The following HAUS5 variants were observed in gnomAD, a reference collection of about 807,000 sequenced individuals.
HAUS5 encodes the protein HAUS augmin-like complex subunit 5.
HAUS5 carries 67 observed loss-of-function variants against 94.1 expected under a neutral mutation model. The ratio of observed to expected loss-of-function variants is 0.71; its 90% CI spans 0.58 to 0.87. HAUS5 has a LOEUF of 0.87. Ranked by LOEUF, HAUS5 falls within the 40% of genes least tolerant of loss-of-function variation. The probability of loss-of-function intolerance (pLI) is 0.00; values close to 1 mark genes in which losing one functional copy is unlikely to be tolerated. For missense variants in HAUS5, 739 were observed against 825.6 expected (o/e 0.90, Z 1.29); for synonymous variants, 339 against 355.4 (o/e 0.95, Z 0.52).
chr19:35,616,850 C>A (rs2071947833), intron 6 of HAUS5, among the ~76,000 whole-genome samples: 1 of 152,154 alleles, frequency 6.6e-6, no homozygotes, highest in South Asian at 2.1e-4. Context: ...GGAAACATCA[C>A]ATTATTTTGG....
intron 17 of HAUS5, 143 bp downstream of exon 17, chr19:35,620,470 G>C: frequency 1.4e-6 from 1 of 716,340 alleles, no homozygotes; most frequent in South Asian, 1.9e-5. Flanking sequence ...TGTTTCATCT[G>C]CACGGCAGTC....
At chr19:35,613,192 G>A (rs2301595) in intron 1 of HAUS5, among the ~76,000 whole-genome samples, 38,342 of 152,008 alleles carry the variant, frequency 0.25, 5,587 homozygotes, top group South Asian at 0.44. Context: ...TCAGGAGTTA[G>A]CCGTGGCCAC....
Position 35,618,926 on chromosome 19 carries a change from GA to G in HAUS5, c.1057del (p.Thr353ArgfsTer24). 1 of 1,613,086 alleles carries G rather than the reference GA, an allele frequency of 6.2e-7. No homozygotes were observed. The highest frequency in any genetic ancestry group is 8.5e-7 in the Non-Finnish European group (1 of 1,179,614). On this transcript the variant is annotated frameshift_variant, in exon 13 of 19. Coordinates refer to ENST00000203166, the MANE Select transcript of HAUS5 (RefSeq NM_015302.2). LOFTEE classifies it high-confidence loss of function. ...ILGLRRCCLW[T>X]ELKALHDQSQ... The stretch of plus-strand genomic sequence containing the variant: ...TGGGGCTTCGGCGCTGTTGCCTGTG[GA>G]CGGAGCTCAAGGCCCTGCACGATCA...
At position 35,622,621 on chromosome 19, in the gene HAUS5, T is replaced by C. The variant is rs765264783; in HGVS notation, c.1672T>C (p.Ser558Pro). The C allele has an allele frequency of 6.2e-7, 1 of 1,613,760 alleles. No homozygotes were observed. The highest frequency in any genetic ancestry group is 8.5e-7 in the Non-Finnish European group (1 of 1,179,932). The part of the protein sequence containing the change: ...PTQELLQIQA[S>P]QEKQQKENLG... ...CTCAGAGCTGCTGCAGATCCAGGCA[T>C]CCCAGGAAAAACAGCAGAAAGAGAA... The change falls in exon 18 of 19, where the codon TCC becomes CCC. Residue 558 changes from serine (S) to proline (P), a missense_variant. By Grantham distance (74) the Ser-to-Pro change is moderately conservative. Transcript: ENST00000203166.
chr19:35,617,749 C>A, intron 8 of HAUS5, 106 bp from the exon 9 acceptor site: 1 of 958,252 alleles, frequency 1.0e-6, no homozygotes, highest in South Asian at 1.4e-5. Flanking sequence ...TCAAGTCTAA[C>A]AGGCATAGGG....
chr19:35,618,476 G>A lies in HAUS5; in HGVS notation c.885+11G>A, dbSNP rs1272897614. ...GTTCATCTCATCCAGGTGACCCCAGGGCTCGCCTCCCCACCACATTCCAAG... is the reference window on the plus strand; with the variant it reads ...GTTCATCTCATCCAGGTGACCCCAGAGCTCGCCTCCCCACCACATTCCAAG... On this transcript the variant is annotated intron_variant, in intron 11 of 18. Transcript: ENST00000203166. The A allele has an allele frequency of 6.8e-6, 11 of 1,614,056 alleles. No individual in the cohort carries two copies. The highest frequency in any genetic ancestry group is 2.2e-5 in the South Asian group (2 of 91,066).
At chr19:35,621,543 T>C (rs1766448517) in intron 17 of HAUS5, among the ~76,000 whole-genome samples, 1 of 152,160 alleles carries the variant, frequency 6.6e-6, no homozygotes, top group Non-Finnish European at 1.5e-5. Context: ...CATCTTGAAC[T>C]GTACACATCT....
chr19:35,613,880 G>A lies in HAUS5; in HGVS notation c.174G>A (p.Lys58=), dbSNP rs748208916. ...CTCTGCACTGTAGGACTGTCAAGAA[G>A]ATCCGGGGAAACCTACTCTGGTAAC... ...QHVHSQRTVK[K]IRGNLLWYGH... is the part of the protein sequence containing the mutation. The change falls in exon 3 of 19, where the codon AAG becomes AAA. Residue 58 remains lysine, a synonymous_variant. Coordinates refer to ENST00000203166, the MANE Select transcript of HAUS5 (RefSeq NM_015302.2). The A allele has an allele frequency of 4.3e-6, 7 of 1,614,136 alleles. No individual in the cohort carries two copies. The South Asian group carries it at 7.7e-5, about 18-fold the overall frequency.
chr19:35,613,642 A>G, intron 1 of HAUS5, 88 bp from the exon 2 acceptor site: 1 of 1,225,686 alleles, frequency 8.2e-7, no homozygotes, highest in Non-Finnish European at 1.2e-6. Context: ...ACTCCCTAGT[A>G]AAAACTCCCT....
chr19:35,620,394 C>T, intron 17 of HAUS5, 67 bp downstream of exon 17: 1 of 1,463,862 alleles, frequency 6.8e-7, no homozygotes, highest in Non-Finnish European at 9.4e-7. Flanking sequence ...CTCCACGAGT[C>T]CTTACCAGCA....
At position 35,620,184 on chromosome 19, in the gene HAUS5, T is replaced by A. The variant is rs756238022; in HGVS notation, c.1519-11T>A. 6.2e-7 allele frequency: 1 copy of A among 1,611,590 alleles called. No individual in the cohort carries two copies. The highest frequency in any genetic ancestry group is 8.5e-7 in the Non-Finnish European group (1 of 1,178,144). On this transcript the variant is annotated splice_polypyrimidine_tract_variant and intron_variant, in intron 16 of 18. Transcript: ENST00000203166. ...CCCGCCCCAGGTGACCGTCCTTCCC[T>A]CCTCCTCCAGGCCTCGGAGCTGCTC...
At chr19:35,617,499 T>C (rs1464845856) in intron 8 of HAUS5, 130 bp downstream of exon 8, 4 of 642,574 alleles carry the variant, frequency 6.2e-6, no homozygotes, top group Non-Finnish European at 1.1e-5. Context: ...AGGCTGGGAA[T>C]AGAAGGAGAC....
intron 5 of HAUS5, 29 bp downstream of exon 5, chr19:35,615,176 C>T: frequency 6.2e-7 from 1 of 1,611,634 alleles, no homozygotes; most frequent in Non-Finnish European, 8.5e-7. Context: ...AGATGGGCAC[C>T]AGAATGTGGG....
rs765775315 is a variant in HAUS5, at chr19:35,617,121, C to T, written c.486-3C>T. ...CCAGCCCCAGCTGCACTTCTCCCTC[C>T]AGGAAAGCCAAAGTAGATGTGACCT... On this transcript the variant is annotated splice_polypyrimidine_tract_variant and splice_region_variant and intron_variant, in intron 6 of 18. Coordinates refer to ENST00000203166, the MANE Select transcript of HAUS5 (RefSeq NM_015302.2). 1 of 1,612,844 alleles carries T rather than the reference C, an allele frequency of 6.2e-7. No homozygotes were observed. Among genetic ancestry groups the T allele is most frequent in the African/African-American group, 1.3e-5 (1 of 75,016 alleles).
rs779067908 is a variant in HAUS5 at position 35,614,062 on chromosome 19, G to T, written c.219+3G>T. The T allele has an allele frequency of 6.2e-7, 1 of 1,613,388 alleles. No individual in the cohort carries two copies. Among genetic ancestry groups the T allele is most frequent in the Non-Finnish European group, 8.5e-7 (1 of 1,179,320 alleles). On this transcript the variant is annotated splice_donor_region_variant and intron_variant, in intron 4 of 18. Coordinates refer to ENST00000203166, the MANE Select transcript of HAUS5 (RefSeq NM_015302.2). The stretch of plus-strand genomic sequence containing the variant: ...ATGGCCACCAGGACAGTCCACAGGT[G>T]AGAAGCATATGCTACAAGATTCTCT...
rs201817036 is a variant in HAUS5, at chr19:35,620,063, G to A, written c.1458G>A (p.Ala486=). ...VLPSIHQLHP[A]SPRGSSFIAL... is the part of the protein sequence containing the mutation. Reference sequence around the variant, plus strand: ...CATCCATCCACCAGCTGCACCCCGCGTCCCCAAGGGGCTCCAGCTTCATAG... The same window carrying A: ...CATCCATCCACCAGCTGCACCCCGCATCCCCAAGGGGCTCCAGCTTCATAG... Residue 486 remains alanine, a synonymous_variant, in exon 16 of 19, where the codon GCG becomes GCA. Transcript: ENST00000203166. 1.4e-5 allele frequency: 23 copies of A among 1,613,220 alleles called. No homozygotes were observed. The highest frequency in any genetic ancestry group is 1.7e-4 in the Middle Eastern group (1 of 6,058).
chr19:35,613,607 G>T lies in HAUS5; in HGVS notation c.99-123G>T, dbSNP rs961607524. 4.7e-5 allele frequency: 36 copies of T among 757,982 alleles called. No homozygotes were observed. In the African/African-American group the frequency reaches 5.7e-4, roughly 12 times the overall value. The allele number at this position is 757,982 out of a possible 1,614,324, so 47.0% of individuals were successfully genotyped here. ...AAAAAAAAAGGCAAAAAAAAGTTTG[G>T]GCCTTCCCTCCTCAAGAAGTGAGAA... is the stretch of plus-strand genomic sequence containing the variant. On this transcript the variant is annotated intron_variant, in intron 1 of 18. Coordinates refer to ENST00000203166, the MANE Select transcript of HAUS5 (RefSeq NM_015302.2).
chr19:35,616,314 GT>G (rs978914728), intron 6 of HAUS5, among the ~76,000 whole-genome samples: 7 of 149,862 alleles, frequency 4.7e-5, no homozygotes, highest in African/African-American at 7.4e-5. Context: ...GCAAAACTCT[GT>G]TTAAAAAAAA....
chr19:35,615,005 C>T (rs753539844), intron 4 of HAUS5, 37 bp from the exon 5 acceptor site: 11 of 1,486,122 alleles, frequency 7.4e-6, no homozygotes, highest in African/African-American at 5.5e-5. Context: ...GGCTGAGCCC[C>T]GATCAGACCA....
Sources: gnomAD v4.1 joint callset for allele counts (sites outside exome capture counted in the v4.1 genomes callset) on GRCh38, gnomAD v4.1.1 for gene constraint, MANE v1.5 for transcripts, NCBI Gene and HGNC (gene_info 2026-07-23, HGNC 2026-07-21) for gene names.